The following CADM2 variants were observed in gnomAD, a reference collection of about 807,000 sequenced individuals.
CADM2 encodes the protein immunoglobulin superfamily member 4D.
CADM2 carries 12 observed loss-of-function variants against 49.8 expected under a neutral mutation model. The observed-to-expected ratio is 0.24, with a 90% CI of 0.15 to 0.39. The LOEUF is 0.39. CADM2 is among the 10% of genes least tolerant of loss of function. The pLI is 1.00. For missense variants in CADM2, 378 were observed against 492.3 expected, an observed-to-expected ratio of 0.77 and a Z score of 2.20; for synonymous variants, 214 against 175.4, an observed-to-expected ratio of 1.22 and a Z score of -1.74.
intron 2 of CADM2, among the ~76,000 whole-genome samples, chr3:85,784,584 C>CAT (rs143834400): frequency 0.054 from 8,133 of 149,934 alleles, 632 homozygotes; most frequent in African/African-American, 0.17. Context: ...CTATCTAACA[C>CAT]GTTTGGTTTC....
At chr3:85,557,993 G>T (rs2062003481) in intron 1 of CADM2, among the ~76,000 whole-genome samples, 1 of 151,992 alleles carries the variant, frequency 6.6e-6, no homozygotes, top group Non-Finnish European at 1.5e-5. Context: ...TAGGAAAAAA[G>T]AGCAAATGAC....
At chr3:85,872,637 A>T (rs1309534085) in intron 3 of CADM2, among the ~76,000 whole-genome samples, 1 of 150,688 alleles carries the variant, frequency 6.6e-6, no homozygotes, top group Non-Finnish European at 1.5e-5. Flanking sequence ...CTTCTCACTT[A>T]TCTATATATT....
At chr3:85,868,872 G>T (rs1481919878) in intron 3 of CADM2, among the ~76,000 whole-genome samples, 1 of 152,032 alleles carries the variant, frequency 6.6e-6, no homozygotes, top group Non-Finnish European at 1.5e-5. Context: ...TTTGAGTTTG[G>T]ACTTGAATTC....
chr3:85,787,682 C>A (rs1025584453), intron 2 of CADM2, among the ~76,000 whole-genome samples: 7 of 152,106 alleles, frequency 4.6e-5, no homozygotes, highest in African/African-American at 1.4e-4. Flanking sequence ...TCAAACCCAT[C>A]TTGTTCAAGG....
chr3:86,002,879 G>T (rs1030336354), intron 8 of CADM2, among the ~76,000 whole-genome samples: 12 of 152,236 alleles, frequency 7.9e-5, no homozygotes, highest in Admixed American at 7.8e-4. Flanking sequence ...TAGGATTTGT[G>T]ATGGAATTTA....
intron 1 of CADM2, among the ~76,000 whole-genome samples, chr3:85,201,527 G>C (rs904424777): frequency 6.6e-6 from 1 of 152,110 alleles, no homozygotes; most frequent in African/African-American, 2.4e-5. Flanking sequence ...TTAAAATAAT[G>C]CAATGATGAA....
intron 2 of CADM2, among the ~76,000 whole-genome samples, chr3:85,742,420 T>A (rs2068433368): frequency 6.6e-6 from 1 of 152,224 alleles, no homozygotes; most frequent in Non-Finnish European, 1.5e-5. Context: ...TCTGGTTGTG[T>A]CTGTCTCTCC....
intron 3 of CADM2, among the ~76,000 whole-genome samples, chr3:85,860,093 A>C (rs900646145): frequency 1.1e-4 from 16 of 152,158 alleles, no homozygotes; most frequent in African/African-American, 3.9e-4. Flanking sequence ...TGTGACATCT[A>C]TATATAATTT....
intron 8 of CADM2, among the ~76,000 whole-genome samples, chr3:86,051,248 G>C (rs1007345662): frequency 2.6e-5 from 4 of 152,080 alleles, no homozygotes; most frequent in African/African-American, 4.8e-5. Context: ...ACTCAATGCA[G>C]CCAGTTTCTT....
At chr3:85,987,765 C>T (rs1011193421) in intron 8 of CADM2, among the ~76,000 whole-genome samples, 5 of 148,680 alleles carry the variant, frequency 3.4e-5, no homozygotes, top group South Asian at 2.1e-4. Flanking sequence ...TATGAAATAT[C>T]GAGGCTAAAG....
At chr3:85,445,141 G>A (rs13316196) in intron 1 of CADM2, among the ~76,000 whole-genome samples, 163 of 152,122 alleles carry the variant, frequency 1.1e-3, no homozygotes, top group African/African-American at 3.7e-3. Flanking sequence ...CGAGTAAACC[G>A]AAACTTAGGG....
chr3:85,804,618 A>G (rs531590146), intron 3 of CADM2, among the ~76,000 whole-genome samples: 1 of 152,326 alleles, frequency 6.6e-6, no homozygotes, highest in South Asian at 2.1e-4. Flanking sequence ...CCTCAGGCAC[A>G]AAGACAAAAT....
At chr3:85,484,493 G>T (rs1479889222) in intron 1 of CADM2, among the ~76,000 whole-genome samples, 5 of 151,698 alleles carry the variant, frequency 3.3e-5, no homozygotes, top group African/African-American at 1.2e-4. Context: ...TGCATTTTTT[G>T]AATTAAATTT....
At chr3:85,023,610 A>C (rs1254952891) in intron 1 of CADM2, among the ~76,000 whole-genome samples, 2 of 152,076 alleles carry the variant, frequency 1.3e-5, no homozygotes, top group African/African-American at 2.4e-5. Flanking sequence ...TCAAGCCAAG[A>C]ATATGAAGCA....
At chr3:85,922,875 G>C (rs1249984966) in intron 6 of CADM2, among the ~76,000 whole-genome samples, 1 of 150,660 alleles carries the variant, frequency 6.6e-6, no homozygotes, top group Non-Finnish European at 1.5e-5. Context: ...AGGCTGGAGT[G>C]CAGTGGCACT....
intron 8 of CADM2, among the ~76,000 whole-genome samples, chr3:86,009,672 A>G (rs1731250252): frequency 6.6e-6 from 1 of 151,756 alleles, no homozygotes; most frequent in African/African-American, 2.4e-5. Flanking sequence ...TTTCTCCCCC[A>G]TGGGCTGTTA....
intron 1 of CADM2, among the ~76,000 whole-genome samples, chr3:85,360,785 TG>T: frequency 6.6e-6 from 1 of 152,294 alleles, no homozygotes; most frequent in South Asian, 2.1e-4. Context: ...ACAAGAGTGT[TG>T]TTACAAACTG....
chr3:85,606,231 A>T (rs2063533603), intron 1 of CADM2, among the ~76,000 whole-genome samples: 1 of 152,096 alleles, frequency 6.6e-6, no homozygotes, highest in Non-Finnish European at 1.5e-5. Flanking sequence ...GCTAGTGAGT[A>T]TCAGTAGAAT....
At chr3:85,870,914 A>T (rs1203452258) in intron 3 of CADM2, among the ~76,000 whole-genome samples, 1 of 152,208 alleles carries the variant, frequency 6.6e-6, no homozygotes, top group African/African-American at 2.4e-5. Context: ...AAAGGCTTAA[A>T]TGTAAAACCC....
Sources: allele counts gnomAD v4.1 joint callset (sites outside exome capture counted in the v4.1 genomes callset), GRCh38; gene constraint gnomAD v4.1.1; transcripts MANE v1.5; gene names NCBI Gene and HGNC (gene_info 2026-07-23, HGNC 2026-07-21).